The following FLAD1 variants were observed in gnomAD, a reference collection of about 807,000 sequenced individuals.
The protein encoded by FLAD1 is bifunctional FAD diphosphatase/FAD synthase.
A neutral mutation model predicts 55.0 loss-of-function variants in FLAD1; 35 were observed. That is an observed-to-expected ratio of 0.64 (90% confidence interval 0.49 to 0.84). The LOEUF (loss-of-function observed/expected upper bound fraction) is 0.84. Among genes scored for constraint, FLAD1 ranks in the 40% least tolerant of loss-of-function variants. The pLI, the probability that FLAD1 is intolerant of heterozygous loss-of-function variation, is 0.00. For synonymous variants in FLAD1, 267 were observed against 303.0 expected (o/e 0.88, Z 1.23); for missense variants, 665 against 742.6 (o/e 0.90, Z 1.21).
Position 154,990,589 on chromosome 1 carries a change from A to G in FLAD1, c.1554+61A>G. ...CGTGCCCCAGCAGTCACTGCACCCTAGCTCACCTGCAGTAGTGGGGAGGCT... is the reference window on the plus strand; with the variant it reads ...CGTGCCCCAGCAGTCACTGCACCCTGGCTCACCTGCAGTAGTGGGGAGGCT... On this transcript the variant is annotated intron_variant, in intron 5 of 6. Transcript: ENST00000292180. 4 of 1,466,870 alleles carry G rather than the reference A, an allele frequency of 2.7e-6. No homozygotes were observed. In the South Asian group the frequency reaches 5.5e-5, roughly 20 times the overall value. 90.9% of individuals were successfully genotyped at this position (1,466,870 alleles called of 1,614,324 possible).
At chr1:154,985,573 T>C (rs1657548994) in intron 1 of FLAD1, among the ~76,000 whole-genome samples, 2 of 151,908 alleles carry the variant, frequency 1.3e-5, no homozygotes. Context: ...TGGCTAATTT[T>C]TGTATTTTTA....
chr1:154,990,666 A>T, intron 5 of FLAD1, 138 bp downstream of exon 5: 2 of 793,052 alleles, frequency 2.5e-6, no homozygotes, highest in Non-Finnish European at 3.8e-6. Context: ...AGGCAGTGCT[A>T]TCTGTTCATT....
In FLAD1 at chr1:154,990,352, A is replaced by C; in HGVS notation, c.1378A>C (p.Met460Leu). 6.2e-7 allele frequency: 1 copy of C among 1,613,836 alleles called. No individual in the cohort carries two copies. The highest frequency in any genetic ancestry group is 1.7e-4 in the Middle Eastern group (1 of 6,060). The change falls in exon 5 of 7, where the codon ATG (methionine) becomes CTG (leucine). Residue 460 changes from methionine (M) to leucine (L), a missense_variant. Physicochemically the swap from Met to Leu is conservative, Grantham distance 15. Coordinates refer to ENST00000292180, the MANE Select transcript of FLAD1 (RefSeq NM_025207.5). ...TTTCTTCCTAAGGTATAATCTGCAG[A>C]TGTTGGAAGCTGAGGGCAGCATGAA... is the stretch of plus-strand genomic sequence containing the variant. ...QDTIKRYNLQ[M>L]LEAEGSMKQA...
chr1:154,992,142 CA>C (rs35484260), intron 5 of FLAD1, among the ~76,000 whole-genome samples: 186 of 68,876 alleles, frequency 2.7e-3, no homozygotes, highest in Middle Eastern at 0.011. Context: ...GACTCCGTCT[CA>C]AAAAAAAAAA....
In FLAD1 at chr1:154,983,533, C is replaced by T; in HGVS notation, c.-162C>T. 1.5e-6 allele frequency: 1 copy of T among 683,054 alleles called. No individual in the cohort carries two copies. The allele number at this position is 683,054 out of a possible 1,614,324, so 42.3% of individuals were successfully genotyped here. ...TGGAGAGCGAATGCATTGAAAAGGG[C>T]CAAGGCCCAGGATAAGGTAGACATT... On this transcript the variant is annotated 5_prime_UTR_variant, in exon 1 of 7. Transcript: ENST00000292180.
chr1:154,986,704 C>CCTTTTTTTT (rs1657626991), intron 1 of FLAD1, among the ~76,000 whole-genome samples: 1 of 91,702 alleles, frequency 1.1e-5, no homozygotes, highest in African/African-American at 4.9e-5. Context: ...GCCCCCCACC[C>CCTTTTTTTT]TTTTTTTTTT....
At chr1:154,989,835 A>T in intron 3 of FLAD1, 128 bp downstream of exon 3, 1 of 1,042,306 alleles carries the variant, frequency 9.6e-7, no homozygotes, top group African/African-American at 1.6e-5. Context: ...TCTCAGTTCC[A>T]TTCTCCCACC....
In FLAD1 at chr1:154,988,608, C is replaced by A; in HGVS notation, c.876C>A (p.Ser292=). Reference sequence around the variant, plus strand: ...TATATGTGGCTGCTGATGAAGCCTCCATCGCCCCCATTCTGGCTGAGGCCC... The same window carrying A: ...TATATGTGGCTGCTGATGAAGCCTCAATCGCCCCCATTCTGGCTGAGGCCC... ...KELYVAADEA[S]IAPILAEAQA... The change falls in exon 2 of 7, where the codon TCC becomes TCA. Residue 292 remains serine (S), a synonymous_variant. Coordinates refer to ENST00000292180, the MANE Select transcript of FLAD1 (RefSeq NM_025207.5). The A allele has an allele frequency of 6.2e-7, 1 of 1,614,230 alleles. No individual in the cohort carries two copies. The highest frequency in any genetic ancestry group is 8.5e-7 in the Non-Finnish European group (1 of 1,180,038).
intron 2 of FLAD1, chr1:154,989,083 C>A: frequency 1.9e-6 from 2 of 1,055,200 alleles, no homozygotes; most frequent in Non-Finnish European, 2.6e-6. Context: ...CTCTTATGGA[C>A]CAGTGTTTTA....
chr1:154,993,084 C>G lies in FLAD1; in HGVS notation c.*47C>G, dbSNP rs1486271141. On this transcript the variant is annotated 3_prime_UTR_variant, in exon 7 of 7. Coordinates refer to ENST00000292180, the MANE Select transcript of FLAD1 (RefSeq NM_025207.5). ...GAAGGACACCGTCCTAGGGTATAACCTGGCAATAAACCGTGCCTCTCACTG... is the reference window on the plus strand; with the variant it reads ...GAAGGACACCGTCCTAGGGTATAACGTGGCAATAAACCGTGCCTCTCACTG... 1.3e-6 allele frequency: 2 copies of G among 1,575,936 alleles called. No individual in the cohort carries two copies. Among genetic ancestry groups the G allele is most frequent in the Non-Finnish European group, 8.7e-7 (1 of 1,146,868 alleles).
In FLAD1 at chr1:154,983,852, C is replaced by T; in HGVS notation, c.158C>T (p.Thr53Ile). The change falls in exon 1 of 7, where the codon ACC becomes ATC. Residue 53 changes from threonine to isoleucine, a missense_variant. By Grantham distance (89) the Thr-to-Ile change is moderately conservative. Transcript: ENST00000292180. ...CLFWLLQVPSTQDPLFPGYGP... is the reference protein window; with the variant it reads ...CLFWLLQVPSIQDPLFPGYGP... Reference sequence around the variant, plus strand: ...TTCTGGCTTCTCCAGGTTCCCTCGACCCAGGACCCCCTGTTCCCAGGCTAT... The same window carrying T: ...TTCTGGCTTCTCCAGGTTCCCTCGATCCAGGACCCCCTGTTCCCAGGCTAT... 6.2e-7 allele frequency: 1 copy of T among 1,614,160 alleles called. No individual in the cohort carries two copies. The highest frequency in any genetic ancestry group is 8.5e-7 in the Non-Finnish European group (1 of 1,180,004).
chr1:154,991,107 T>C (rs1176393779), intron 5 of FLAD1: 2 of 149,992 alleles, frequency 1.3e-5, no homozygotes, highest in African/African-American at 4.9e-5. Flanking sequence ...CTCGAGAGGC[T>C]GAGGCAGGAG....
At chr1:154,987,845 G>A (rs940941196) in intron 1 of FLAD1, 3 of 990,682 alleles carry the variant, frequency 3.0e-6, no homozygotes, top group Non-Finnish European at 4.2e-6. Context: ...GGCTGGGGTG[G>A]CCCTTGAAGC....
rs1657698851 is a variant in FLAD1 at position 154,988,137 on chromosome 1, G to T, written c.405G>T (p.Leu135=). ...GHTQDTNTFF[L]CRTLRSLGVQ... Reference sequence around the variant, plus strand: ...CTCAGGACACCAACACCTTCTTTCTGTGCCGGACACTGCGCTCCCTAGGGG... The same window carrying T: ...CTCAGGACACCAACACCTTCTTTCTTTGCCGGACACTGCGCTCCCTAGGGG... Residue 135 remains leucine, a synonymous_variant, in exon 2 of 7, where the codon CTG becomes CTT. Coordinates refer to ENST00000292180, the MANE Select transcript of FLAD1 (RefSeq NM_025207.5). 1 of 1,614,060 alleles carries T rather than the reference G, an allele frequency of 6.2e-7. No homozygotes were observed. The highest frequency in any genetic ancestry group is 8.5e-7 in the Non-Finnish European group (1 of 1,180,044).
At chr1:154,992,827 A>C (rs183792755) in intron 6 of FLAD1, 41 bp downstream of exon 6, 41 of 1,614,002 alleles carry the variant, frequency 2.5e-5, no homozygotes, top group Non-Finnish European at 1.7e-6. Context: ...GGGAGTTTTT[A>C]GGGTGCTGGG....
rs1571484966 is a variant in FLAD1 at position 154,988,433 on chromosome 1, A to G, written c.701A>G (p.Asp234Gly). The G allele has an allele frequency of 4.3e-6, 7 of 1,614,230 alleles. No individual in the cohort carries two copies. Among genetic ancestry groups the G allele is most frequent in the Non-Finnish European group, 3.4e-6 (4 of 1,180,036 alleles). The change falls in exon 2 of 7, where the codon GAT becomes GGT. Residue 234 changes from aspartate to glycine, a missense_variant. Transcript: ENST00000292180. ...TCTGCCCGCCTGCATTATGGCACAGATCCTTGCACTGGTCAACCTTTCAGA... is the reference window on the plus strand; with the variant it reads ...TCTGCCCGCCTGCATTATGGCACAGGTCCTTGCACTGGTCAACCTTTCAGA... ...PSSARLHYGT[D>G]PCTGQPFRFP...
At position 154,988,270 on chromosome 1, in the gene FLAD1, G is replaced by C. The variant is rs376637647; in HGVS notation, c.538G>C (p.Gly180Arg). Residue 180 changes from glycine (G) to arginine (R), a missense_variant, in exon 2 of 7, where the codon GGC (glycine) becomes CGC (arginine). By Grantham distance (125) the Gly-to-Arg change is moderately radical. Transcript: ENST00000292180. ...FTHVLTAGGI[G>R]PTHDDVTFEA... ...CCATGTCCTCACAGCAGGGGGCATC[G>C]GCCCCACTCATGATGATGTGACCTT... 6.2e-7 allele frequency: 1 copy of C among 1,614,206 alleles called. No individual in the cohort carries two copies. Among genetic ancestry groups the C allele is most frequent in the Admixed American group, 1.7e-5 (1 of 60,018 alleles).
Position 154,992,985 on chromosome 1 carries a change from G to T in FLAD1, c.1712G>T (p.Arg571Leu), listed in dbSNP as rs201824694. The change falls in exon 7 of 7, where the codon CGT becomes CTT. Residue 571 changes from arginine to leucine, a missense_variant. Physicochemically the swap from Arg to Leu is moderately radical, Grantham distance 102. Transcript: ENST00000292180. ...AGCCCAGGAGGACACCCCACATACC[G>T]TCCAGCCTATCTACTGGAGAACGAA... ...CLSPGGHPTY[R>L]PAYLLENEEE... 1.2e-6 allele frequency: 2 copies of T among 1,614,052 alleles called. No homozygotes were observed. Among genetic ancestry groups the T allele is most frequent in the Non-Finnish European group, 1.7e-6 (2 of 1,179,996 alleles).
intron 5 of FLAD1, chr1:154,991,243 T>A (rs1347331350): frequency 2.2e-5 from 3 of 136,708 alleles, no homozygotes; most frequent in Non-Finnish European, 4.6e-5. Flanking sequence ...TATATATATG[T>A]ATATATATAT....
Sources: gnomAD v4.1 joint callset for allele counts (sites outside exome capture counted in the v4.1 genomes callset) on GRCh38, gnomAD v4.1.1 for gene constraint, MANE v1.5 for transcripts, NCBI Gene and HGNC (gene_info 2026-07-23, HGNC 2026-07-21) for gene names.